ATP8B4: variants seen among roughly 807,000 people sequenced by gnomAD.
ATP8B4 encodes the protein probable phospholipid-transporting ATPase IM.
ATP8B4 carries 133 observed loss-of-function variants against 145.6 expected under a neutral mutation model. That is an observed-to-expected ratio of 0.91 (90% CI 0.79 to 1.05). The LOEUF is 1.05. Ranked by LOEUF, ATP8B4 falls within the 50% of genes least tolerant of loss-of-function variation. The pLI, the probability that ATP8B4 is intolerant of heterozygous loss-of-function variation, is 0.00. For missense variants in ATP8B4, 1,458 were observed against 1,425.2 expected (o/e 1.02, Z -0.37); for synonymous variants, 507 against 492.9 (o/e 1.03, Z -0.38).
At chr15:50,074,231 G>T in intron 2 of ATP8B4, 46 bp from the exon 3 acceptor site, 1 of 1,504,986 alleles carries the variant, frequency 6.6e-7, no homozygotes, top group Non-Finnish European at 9.2e-7. Context: ...TAGGCCCAGA[G>T]AAACAAATAA....
At chr15:50,149,078 C>CAGAACT (rs2044314202) in intron 1 of ATP8B4, among the ~76,000 whole-genome samples, 2 of 152,124 alleles carry the variant, frequency 1.3e-5, no homozygotes, top group Non-Finnish European at 2.9e-5. Flanking sequence ...TGAATCAATA[C>CAGAACT]TACAGAGATG....
At chr15:50,063,641 TAGACTGTATTAATA>T (rs1567290200) in intron 3 of ATP8B4, among the ~76,000 whole-genome samples, 1 of 152,132 alleles carries the variant, frequency 6.6e-6, no homozygotes, top group East Asian at 1.9e-4. Flanking sequence ...AGTACAGTCT[TAGACTGTATTAATA>T]ATCTTTCTCT....
intron 23 of ATP8B4, chr15:49,895,600 G>GC (rs1160005633): frequency 6.6e-6 from 1 of 152,224 alleles, no homozygotes; most frequent in Non-Finnish European, 1.5e-5. Context: ...GTGCCTTACA[G>GC]CTGGGTTCAA....
intron 2 of ATP8B4, among the ~76,000 whole-genome samples, chr15:50,088,492 T>G (rs1273483196): frequency 6.6e-6 from 1 of 152,176 alleles, no homozygotes; most frequent in Non-Finnish European, 1.5e-5. Flanking sequence ...CCTTTGCACT[T>G]ACTGTTCCCT....
intron 2 of ATP8B4, among the ~76,000 whole-genome samples, chr15:50,078,175 T>A (rs1230086604): frequency 6.6e-6 from 1 of 151,662 alleles, no homozygotes; most frequent in African/African-American, 2.4e-5. Context: ...TTTTTAGAGA[T>A]GCTCTTTTTT....
At chr15:49,935,987 CTATT>C (rs2041703292) in intron 14 of ATP8B4, among the ~76,000 whole-genome samples, 1 of 152,066 alleles carries the variant, frequency 6.6e-6, no homozygotes, top group African/African-American at 2.4e-5. Context: ...TCCCTCCAAC[CTATT>C]TATTTTTTTT....
intron 1 of ATP8B4, among the ~76,000 whole-genome samples, chr15:50,158,276 C>T (rs2044456312): frequency 6.6e-6 from 1 of 151,928 alleles, no homozygotes; most frequent in Non-Finnish European, 1.5e-5. Context: ...TGAGGAGCGC[C>T]TCTTCCCGGC....
At chr15:49,931,396 C>A (rs2041242196) in intron 15 of ATP8B4, 89 bp from the exon 16 acceptor site, 9 of 1,256,190 alleles carry the variant, frequency 7.2e-6, no homozygotes, top group Non-Finnish European at 1.0e-5. Flanking sequence ...GTATTTAACA[C>A]CCAACTCAAG....
intron 8 of ATP8B4, among the ~76,000 whole-genome samples, chr15:50,001,534 G>T (rs1599733231): frequency 6.6e-6 from 1 of 152,132 alleles, no homozygotes; most frequent in Admixed American, 6.6e-5. Context: ...GTACAATAGG[G>T]CATAATTACA....
chr15:50,072,628 T>C (rs1025055596), intron 3 of ATP8B4, among the ~76,000 whole-genome samples: 2 of 151,980 alleles, frequency 1.3e-5, no homozygotes, highest in African/African-American at 2.4e-5. Flanking sequence ...TCTTTTGTTT[T>C]TTTTTCCTTT....
intron 1 of ATP8B4, among the ~76,000 whole-genome samples, chr15:50,180,611 C>T (rs545802600): frequency 2.6e-5 from 4 of 152,108 alleles, no homozygotes; most frequent in Admixed American, 2.0e-4. Flanking sequence ...CATCAAGGGA[C>T]GAGGGTGGCA....
chr15:50,145,882 G>T (rs1345489413), intron 1 of ATP8B4, among the ~76,000 whole-genome samples: 3 of 152,070 alleles, frequency 2.0e-5, no homozygotes, highest in Non-Finnish European at 4.4e-5. Context: ...ATGCAGAAAG[G>T]ATTAACCAGA....
intron 7 of ATP8B4, among the ~76,000 whole-genome samples, chr15:50,003,555 T>A (rs954661997): frequency 2.0e-5 from 3 of 152,118 alleles, no homozygotes; most frequent in African/African-American, 7.2e-5. Context: ...AAAAAAAATT[T>A]TTTTTGAAAA....
chr15:49,931,920 T>C (rs1235380115), intron 15 of ATP8B4, among the ~76,000 whole-genome samples: 1 of 151,784 alleles, frequency 6.6e-6, no homozygotes, highest in Non-Finnish European at 1.5e-5. Flanking sequence ...CCTGATATTA[T>C]GTGTAGTTGG....
intron 1 of ATP8B4, among the ~76,000 whole-genome samples, chr15:50,116,036 G>A (rs1365289624): frequency 6.6e-6 from 1 of 152,186 alleles, no homozygotes; most frequent in African/African-American, 2.4e-5. Flanking sequence ...AGTTTGGGCT[G>A]GCACAAGAGG....
intron 6 of ATP8B4, among the ~76,000 whole-genome samples, chr15:50,035,182 G>C (rs1599946850): frequency 6.6e-6 from 1 of 152,172 alleles, no homozygotes; most frequent in African/African-American, 2.4e-5. Context: ...GTAGAGGAAG[G>C]TTAGAAGGGA....
intron 14 of ATP8B4, among the ~76,000 whole-genome samples, chr15:49,941,582 A>G (rs900312478): frequency 6.6e-6 from 1 of 152,214 alleles, no homozygotes; most frequent in Non-Finnish European, 1.5e-5. Flanking sequence ...AGGCTTGTAC[A>G]CTGCTGGTAG....
At chr15:50,138,338 A>ATAGATAGG (rs1555496750) in intron 1 of ATP8B4, among the ~76,000 whole-genome samples, 1 of 49,234 alleles carries the variant, frequency 2.0e-5, no homozygotes, top group Non-Finnish European at 6.6e-5. Flanking sequence ...AGATAGATAG[A>ATAGATAGG]TAGATAGATA....
intron 26 of ATP8B4, among the ~76,000 whole-genome samples, chr15:49,865,863 T>A (rs2032706967): frequency 6.6e-6 from 1 of 152,254 alleles, no homozygotes; most frequent in Admixed American, 6.5e-5. Flanking sequence ...CTACTCCTCA[T>A]GCCACTTATG....
Sources: gnomAD v4.1 joint callset for allele counts (sites outside exome capture counted in the v4.1 genomes callset) on GRCh38, gnomAD v4.1.1 for gene constraint, MANE v1.5 for transcripts, NCBI Gene and HGNC (gene_info 2026-07-23, HGNC 2026-07-21) for gene names.